Variants in RALYL observed in about 807,000 individuals in gnomAD.
The protein encoded by RALYL is RALY RNA binding protein like.
RALYL carries 29 observed loss-of-function variants against 35.1 expected under a neutral mutation model. That is an observed-to-expected ratio of 0.83 (90% CI 0.61 to 1.13). The LOEUF is 1.13. RALYL is among the 50% of genes most tolerant of loss of function. The pLI, the probability that RALYL is intolerant of heterozygous loss-of-function variation, is 0.00. For missense variants in RALYL, 359 were observed against 360.4 expected (o/e 1.00, Z 0.03); for synonymous variants, 120 against 127.6 (o/e 0.94, Z 0.40).
chr8:84,656,541 T>C (rs1829994043), intron 2 of RALYL, among the ~76,000 whole-genome samples: 1 of 152,140 alleles, frequency 6.6e-6, no homozygotes, highest in South Asian at 2.1e-4. Context: ...AAACCAGAGT[T>C]TCAGAATCCA....
At chr8:84,696,959 T>C (rs1051784411) in intron 2 of RALYL, among the ~76,000 whole-genome samples, 2 of 152,026 alleles carry the variant, frequency 1.3e-5, no homozygotes, top group African/African-American at 4.8e-5. Context: ...CCTTGGGCTA[T>C]GTAATGCTAA....
At position 84,250,506 on chromosome 8, in the gene RALYL, C is replaced by T. The variant is rs186204780; in HGVS notation, c.-24+66082C>T. 1.8e-4 allele frequency among the ~76,000 whole-genome samples: 28 copies of T among 152,050 alleles called. No individual in the cohort carries two copies. The East Asian group carries it at 5.4e-3, about 29-fold the overall frequency. On this transcript the variant is annotated intron_variant, in intron 1 of 8. Coordinates refer to ENST00000521268, the MANE Select transcript of RALYL (RefSeq NM_173848.7). The stretch of plus-strand genomic sequence containing the variant: ...TCAGCCTCCTGAGTAGCTGGGATTA[C>T]AAGTGTCCACCACCCAGAGACATAA...
intron 1 of RALYL, among the ~76,000 whole-genome samples, chr8:84,462,767 C>T (rs1422149298): frequency 6.6e-6 from 1 of 151,640 alleles, no homozygotes. Context: ...CTGTTTCCTC[C>T]AAACTATCCC....
chr8:84,771,221 T>G (rs1815412538), intron 2 of RALYL, among the ~76,000 whole-genome samples: 1 of 152,144 alleles, frequency 6.6e-6, no homozygotes, highest in African/African-American at 2.4e-5. Flanking sequence ...TCATTTTCTC[T>G]CTCTCTCTCT....
intron 2 of RALYL, among the ~76,000 whole-genome samples, chr8:84,640,166 A>G (rs543749511): frequency 6.6e-6 from 1 of 152,038 alleles, no homozygotes; most frequent in African/African-American, 2.4e-5. Context: ...ATTGTAAAAC[A>G]ATAGTTACTC....
At chr8:84,801,780 C>G (rs181626526) in intron 3 of RALYL, among the ~76,000 whole-genome samples, 43 of 152,076 alleles carry the variant, frequency 2.8e-4, no homozygotes, top group African/African-American at 1.0e-3. Flanking sequence ...CTGGTGAGGG[C>G]ATGTTTGTGA....
intron 1 of RALYL, among the ~76,000 whole-genome samples, chr8:84,261,702 C>A (rs1267596798): frequency 6.6e-6 from 1 of 152,010 alleles, no homozygotes; most frequent in Non-Finnish European, 1.5e-5. Flanking sequence ...GAATCCAAAT[C>A]ATCTGAGCTT....
At position 84,615,344 on chromosome 8, in the gene RALYL, A is replaced by AC. The variant is rs552105134; in HGVS notation, c.256+85767_256+85768insC. On this transcript the variant is annotated intron_variant, in intron 2 of 8. Transcript: ENST00000521268. ...GCTATCATGTTAAATACATTGAAAA[A>AC]AAAAAAAACAGAACGTCCTTATGCG... 1.3e-3 allele frequency among the ~76,000 whole-genome samples: 195 copies of AC among 151,474 alleles called. 1 individual carries two copies. The highest frequency in any genetic ancestry group is 1.7e-3 in the Non-Finnish European group (118 of 67,978).
intron 1 of RALYL, among the ~76,000 whole-genome samples, chr8:84,329,925 T>C (rs956611257): frequency 1.3e-5 from 2 of 151,876 alleles, no homozygotes; most frequent in African/African-American, 4.8e-5. Flanking sequence ...ATTGAATAAA[T>C]CCCTTCAAGA....
intron 1 of RALYL, among the ~76,000 whole-genome samples, chr8:84,246,941 C>T (rs542238014): frequency 6.6e-6 from 1 of 152,266 alleles, no homozygotes; most frequent in East Asian, 1.9e-4. Flanking sequence ...ACAATACAGA[C>T]TTTGGAGTGA....
At chr8:84,614,805 T>A (rs1456667933) in intron 2 of RALYL, among the ~76,000 whole-genome samples, 1 of 150,960 alleles carries the variant, frequency 6.6e-6, no homozygotes, top group African/African-American at 2.5e-5. Flanking sequence ...TTTCTTTGTT[T>A]GGAAACATTT....
rs537052080 is a variant in RALYL, at chr8:84,756,200, G to T, written c.257-18379G>T. On this transcript the variant is annotated intron_variant, in intron 2 of 8. Coordinates refer to ENST00000521268, the MANE Select transcript of RALYL (RefSeq NM_173848.7). ...CCAATAAGATTATTTGAAATATAGA[G>T]TGATAAAATGTTTCAGACAATTTTC... 9.9e-5 allele frequency among the ~76,000 whole-genome samples: 15 copies of T among 152,150 alleles called. No homozygotes were observed. In the South Asian group the frequency reaches 3.1e-3, roughly 32 times the overall value.
intron 2 of RALYL, among the ~76,000 whole-genome samples, chr8:84,605,592 G>A (rs1426326715): frequency 6.6e-6 from 1 of 152,064 alleles, no homozygotes; most frequent in East Asian, 1.9e-4. Context: ...TCCTGACTCA[G>A]GCAGATAGGT....
At chr8:84,571,265 T>C (rs1255801345) in intron 2 of RALYL, among the ~76,000 whole-genome samples, 1 of 151,758 alleles carries the variant, frequency 6.6e-6, no homozygotes, top group Non-Finnish European at 1.5e-5. Context: ...GTTGGAAGAT[T>C]TTTTTTATTA....
In RALYL at chr8:84,367,318, A is replaced by AATTTTTTTT. The variant is rs1854572226; in HGVS notation, c.-23-161981_-23-161980insATTTTTTTT. ...GCCATCCTGCCCAACTAATTTTTGT[A>AATTTTTTTT]TTTTTTTTTTTTTTTTTTTTTTTTT... On this transcript the variant is annotated intron_variant, in intron 1 of 8. Transcript: ENST00000521268. Among the ~76,000 whole-genome samples the AATTTTTTTT allele has an allele frequency of 1.5e-4, 4 of 27,400 alleles. 2 individuals carry two copies. Among genetic ancestry groups the AATTTTTTTT allele is most frequent in the Non-Finnish European group, 2.0e-4 (2 of 10,140 alleles). 18.0% of individuals were successfully genotyped at this position (27,400 alleles called of 152,430 possible).
At chr8:84,242,942 A>G (rs1013025563) in intron 1 of RALYL, among the ~76,000 whole-genome samples, 1 of 152,106 alleles carries the variant, frequency 6.6e-6, no homozygotes, top group Admixed American at 6.6e-5. Flanking sequence ...ACTGTTGTCT[A>G]AGTTTTCTTC....
chr8:84,745,555 T>C (rs558922748), intron 2 of RALYL, among the ~76,000 whole-genome samples: 66 of 152,044 alleles, frequency 4.3e-4, no homozygotes, highest in Non-Finnish European at 8.1e-4. Context: ...AAAGAAAATG[T>C]GCCTTCTTTA....
chr8:84,185,248 C>A (rs1026425634), intron 1 of RALYL: 2 of 567,070 alleles, frequency 3.5e-6, no homozygotes, highest in South Asian at 2.2e-5. Flanking sequence ...TAAAAAAATG[C>A]CTTTTATTTA....
chr8:84,499,715 A>G (rs528226796), intron 1 of RALYL, among the ~76,000 whole-genome samples: 29 of 152,138 alleles, frequency 1.9e-4, no homozygotes, highest in African/African-American at 6.7e-4. Context: ...GGGAATGGGG[A>G]GACATATTTT....
Sources: allele counts gnomAD v4.1 joint callset (sites outside exome capture counted in the v4.1 genomes callset), GRCh38; gene constraint gnomAD v4.1.1; transcripts MANE v1.5; gene names NCBI Gene and HGNC (gene_info 2026-07-23, HGNC 2026-07-21).